Variants in RNF13 observed in about 807,000 individuals in gnomAD.
RNF13 encodes ring finger protein 13, also known as E3 ubiquitin-protein ligase RNF13.
RNF13 carries 19 observed loss-of-function variants against 37.7 expected under a neutral mutation model. The ratio of observed to expected loss-of-function variants is 0.50; its 90% CI spans 0.35 to 0.74. RNF13 has a LOEUF of 0.74. Among genes scored for constraint, RNF13 ranks in the 30% least tolerant of loss-of-function variants. The pLI, the probability that RNF13 is intolerant of heterozygous loss-of-function variation, is 0.01. For synonymous variants in RNF13, 144 were observed against 157.8 expected (o/e 0.91, Z 0.65); for missense variants, 375 against 453.0 (o/e 0.83, Z 1.56).
chr3:149,938,778 A>ACATAC (rs1313039976), intron 8 of RNF13, among the ~76,000 whole-genome samples: 1 of 152,062 alleles, frequency 6.6e-6, no homozygotes, highest in African/African-American at 2.4e-5. Flanking sequence ...AACATTCCAT[A>ACATAC]CATACTTAAA....
intron 4 of RNF13, among the ~76,000 whole-genome samples, chr3:149,892,290 C>T (rs1381645874): frequency 6.6e-6 from 1 of 152,084 alleles, no homozygotes; most frequent in Non-Finnish European, 1.5e-5. Context: ...CATATTTCTC[C>T]TAAGTTGCTT....
intron 7 of RNF13, among the ~76,000 whole-genome samples, chr3:149,915,607 T>A (rs1717427742): frequency 6.6e-6 from 1 of 152,176 alleles, no homozygotes; most frequent in Non-Finnish European, 1.5e-5. Context: ...AAGTGTACAT[T>A]GATGGATGAA....
intron 3 of RNF13, among the ~76,000 whole-genome samples, chr3:149,854,033 G>A (rs1324269352): frequency 1.3e-5 from 2 of 151,374 alleles, no homozygotes; most frequent in East Asian, 1.9e-4. Context: ...ATGGGGTTTC[G>A]CCATGTTGCC....
At chr3:149,829,335 G>A (rs780947188) in intron 1 of RNF13, among the ~76,000 whole-genome samples, 1 of 151,994 alleles carries the variant, frequency 6.6e-6, no homozygotes, top group Non-Finnish European at 1.5e-5. Flanking sequence ...CCTGACCTCG[G>A]GCGATCCTCC....
chr3:149,819,211 A>G (rs573751726), intron 1 of RNF13, among the ~76,000 whole-genome samples: 2 of 152,362 alleles, frequency 1.3e-5, no homozygotes, highest in South Asian at 4.1e-4. Flanking sequence ...AGAGCCAAGC[A>G]TGAGCTTCCA....
chr3:149,895,300 C>T (rs1715126124), intron 4 of RNF13, 173 bp from the exon 5 acceptor site: 2 of 468,844 alleles, frequency 4.3e-6, no homozygotes, highest in African/African-American at 2.0e-5. Flanking sequence ...AGCCTGATTA[C>T]AGCAAGTTTC....
intron 1 of RNF13, among the ~76,000 whole-genome samples, chr3:149,841,688 C>T (rs540279558): frequency 2.0e-5 from 3 of 152,216 alleles, no homozygotes; most frequent in East Asian, 1.9e-4. Flanking sequence ...GGCATGACCT[C>T]GGCTCACTGC....
intron 5 of RNF13, among the ~76,000 whole-genome samples, chr3:149,901,025 G>A (rs1715777355): frequency 6.6e-6 from 1 of 152,070 alleles, no homozygotes. Flanking sequence ...TAGGGGGTAG[G>A]GGTTGACTGT....
intron 3 of RNF13, among the ~76,000 whole-genome samples, chr3:149,864,351 G>T (rs1212736980): frequency 6.6e-6 from 1 of 152,082 alleles, no homozygotes; most frequent in African/African-American, 2.4e-5. Context: ...CAGGCCATCA[G>T]AAACAGATGC....
chr3:149,951,570 C>G (rs1721342540), intron 8 of RNF13, among the ~76,000 whole-genome samples: 1 of 152,132 alleles, frequency 6.6e-6, no homozygotes, highest in Admixed American at 6.5e-5. Flanking sequence ...TTAGGAGAAC[C>G]ATGCTTCAGT....
rs75918435 is a variant in RNF13 at position 149,937,716 on chromosome 3, G to A, written c.700+16489G>A. Among the ~76,000 whole-genome samples the A allele has an allele frequency of 1.5e-4, 22 of 150,702 alleles. No individual in the cohort carries two copies. The East Asian group carries it at 4.1e-3, about 28-fold the overall frequency. On this transcript the variant is annotated intron_variant, in intron 8 of 9. Coordinates refer to ENST00000392894, the MANE Select transcript of RNF13 (RefSeq NM_183381.3). ...GAAGTGTGTTTTTTAATCTTCACAT[G>A]TTTGGGAATTTGCCAGCTATCTGTA...
intron 7 of RNF13, among the ~76,000 whole-genome samples, chr3:149,919,165 A>G (rs537335502): frequency 3.2e-4 from 49 of 152,294 alleles, no homozygotes; most frequent in African/African-American, 1.1e-3. Flanking sequence ...GTATGATTTG[A>G]TATAATAAAT....
chr3:149,857,229 A>G (rs1723748538), intron 3 of RNF13, among the ~76,000 whole-genome samples: 1 of 152,196 alleles, frequency 6.6e-6, no homozygotes, highest in East Asian at 1.9e-4. Flanking sequence ...TTCTATTTAT[A>G]TATGCCCCAA....
intron 8 of RNF13, among the ~76,000 whole-genome samples, chr3:149,936,092 A>G (rs1719643783): frequency 6.6e-6 from 1 of 151,290 alleles, no homozygotes; most frequent in African/African-American, 2.4e-5. Context: ...GGTTTCTACT[A>G]GATGTCCATT....
intron 5 of RNF13, among the ~76,000 whole-genome samples, chr3:149,898,135 C>G (rs9870424): frequency 0.69 from 104,808 of 151,958 alleles, 36,894 homozygotes; most frequent in East Asian, 0.9. Context: ...ATTATTTGAC[C>G]TGACAAATTT....
chr3:149,928,003 C>A lies in RNF13; in HGVS notation c.700+6776C>A, dbSNP rs1278855475. 1.4e-5 allele frequency among the ~76,000 whole-genome samples: 2 copies of A among 139,394 alleles called. 1 individual carries two copies. Among genetic ancestry groups the A allele is most frequent in the South Asian group, 4.5e-4 (2 of 4,458 alleles). 91.4% of individuals were successfully genotyped at this position (139,394 alleles called of 152,430 possible). A position where few individuals can be genotyped will look rare whatever the true frequency, so the allele number is the denominator to read the frequency against. On this transcript the variant is annotated intron_variant, in intron 8 of 9. Transcript: ENST00000392894. ...TTATGATATGAAGCATAAGCAAAAACCTTTTTTTTTTTTTTTTTTTGCTTG... is the reference window on the plus strand; with the variant it reads ...TTATGATATGAAGCATAAGCAAAAAACTTTTTTTTTTTTTTTTTTTGCTTG...
rs540110079 is a variant in RNF13, at chr3:149,885,591, C to A, written c.322-9882C>A. ...ATTAATTGGATTATCAGACTTTTTT[C>A]CTATAGCATTGTTTGAACTCCTTAT... On this transcript the variant is annotated intron_variant, in intron 4 of 9. Coordinates refer to ENST00000392894, the MANE Select transcript of RNF13 (RefSeq NM_183381.3). Among the ~76,000 whole-genome samples the A allele has an allele frequency of 1.1e-4, 17 of 152,158 alleles. No individual in the cohort carries two copies. In the South Asian group the frequency reaches 2.9e-3, roughly 26 times the overall value.
chr3:149,926,066 A>G (rs1718608475), intron 8 of RNF13, among the ~76,000 whole-genome samples: 1 of 152,152 alleles, frequency 6.6e-6, no homozygotes, highest in African/African-American at 2.4e-5. Flanking sequence ...GGAATTCTTT[A>G]TATGTTCCTA....
At chr3:149,832,088 A>C (rs1484017207) in intron 1 of RNF13, among the ~76,000 whole-genome samples, 2 of 152,142 alleles carry the variant, frequency 1.3e-5, no homozygotes, top group East Asian at 3.8e-4. Context: ...TCTGATGCTT[A>C]TTGTAGTATA....
Sources: allele counts gnomAD v4.1 joint callset (sites outside exome capture counted in the v4.1 genomes callset), GRCh38; gene constraint gnomAD v4.1.1; transcripts MANE v1.5; gene names NCBI Gene and HGNC (gene_info 2026-07-23, HGNC 2026-07-21).